Variants in OSBPL10 observed in about 807,000 individuals in gnomAD.
OSBPL10 encodes the protein oxysterol-binding protein-related protein 10.
A neutral mutation model predicts 81.7 loss-of-function variants in OSBPL10; 49 were observed. That is an observed-to-expected ratio of 0.60 (90% CI 0.48 to 0.76). The LOEUF is 0.76. Among genes scored for constraint, OSBPL10 ranks in the 30% least tolerant of loss-of-function variants. The probability of loss-of-function intolerance (pLI) is 0.00; values close to 1 mark genes in which losing one functional copy is unlikely to be tolerated. For missense variants in OSBPL10, 923 were observed against 987.8 expected (o/e 0.93, Z 0.88); for synonymous variants, 419 against 383.6 (o/e 1.09, Z -1.08).
chr3:31,902,286 G>A (rs1321022885), intron 1 of OSBPL10, among the ~76,000 whole-genome samples: 20 of 138,414 alleles, frequency 1.4e-4, no homozygotes, highest in Non-Finnish European at 2.6e-4. Flanking sequence ...TTTTGGAGAC[G>A]GAGTCCCACT....
upstream of OSBPL10, among the ~76,000 whole-genome samples, chr3:31,982,093 A>C (rs1698861954): frequency 6.6e-6 from 1 of 152,132 alleles, no homozygotes; most frequent in African/African-American, 2.4e-5. Flanking sequence ...GGCAAGTCAA[A>C]ACCTATCCAT....
At chr3:31,770,672 G>A (rs1301546594) in intron 4 of OSBPL10, among the ~76,000 whole-genome samples, 1 of 152,156 alleles carries the variant, frequency 6.6e-6, no homozygotes, top group East Asian at 1.9e-4. Context: ...TGTAATCCCA[G>A]CTACTTGGGA....
At chr3:31,879,429 C>T (rs1359705846) in intron 2 of OSBPL10, 2 of 508,952 alleles carry the variant, frequency 3.9e-6, no homozygotes, top group African/African-American at 3.9e-5. Flanking sequence ...GAATCACTCA[C>T]CTTTCCTTTG....
At chr3:31,674,262 A>G (rs1308659515) in intron 8 of OSBPL10, among the ~76,000 whole-genome samples, 1 of 152,122 alleles carries the variant, frequency 6.6e-6, no homozygotes, top group Non-Finnish European at 1.5e-5. Context: ...CTAGTTGTCA[A>G]AAAGAGGCTA....
intron 8 of OSBPL10, among the ~76,000 whole-genome samples, chr3:31,677,400 T>G (rs1575469170): frequency 6.6e-6 from 1 of 152,212 alleles, no homozygotes; most frequent in South Asian, 2.1e-4. Flanking sequence ...AAGGGTCCCC[T>G]GGCCATGCCC....
At chr3:31,896,692 C>G (rs1696068978) in intron 1 of OSBPL10, among the ~76,000 whole-genome samples, 1 of 152,218 alleles carries the variant, frequency 6.6e-6, no homozygotes, top group African/African-American at 2.4e-5. Flanking sequence ...GCTGGAAGGG[C>G]TGCTGTGAAA....
chr3:31,827,078 CTTTTTCT>C (rs1700119074), intron 4 of OSBPL10, among the ~76,000 whole-genome samples: 1 of 152,098 alleles, frequency 6.6e-6, no homozygotes, highest in Admixed American at 6.6e-5. Flanking sequence ...ATTTCATCTA[CTTTTTCT>C]TTTTTCTTTT....
chr3:31,746,018 AG>A (rs1197834577), intron 5 of OSBPL10, among the ~76,000 whole-genome samples: 10 of 152,152 alleles, frequency 6.6e-5, no homozygotes, highest in African/African-American at 2.4e-4. Flanking sequence ...AAGCACAATA[AG>A]GCTGCTGTTA....
intron 1 of OSBPL10, among the ~76,000 whole-genome samples, chr3:32,076,345 G>T (rs1033487037): frequency 2.6e-5 from 4 of 151,212 alleles, no homozygotes; most frequent in Non-Finnish European, 5.9e-5. Flanking sequence ...TCCAACCTGG[G>T]CAACAGAGTG....
At chr3:32,064,213 C>T (rs1369913034) in intron 1 of OSBPL10, 1 of 93,974 alleles carries the variant, frequency 1.1e-5, no homozygotes, top group African/African-American at 2.7e-5. Flanking sequence ...ATCCATCCAC[C>T]TTGGCTTCCC....
chr3:31,872,457 T>G (rs982207079), intron 3 of OSBPL10, among the ~76,000 whole-genome samples: 1 of 151,770 alleles, frequency 6.6e-6, no homozygotes, highest in Non-Finnish European at 1.5e-5. Flanking sequence ...TTGTTGTTTT[T>G]TTTTTTTTTT....
At chr3:31,831,491 G>A (rs1700240525) in intron 3 of OSBPL10, among the ~76,000 whole-genome samples, 1 of 151,338 alleles carries the variant, frequency 6.6e-6, no homozygotes, top group Non-Finnish European at 1.5e-5. Flanking sequence ...GAAACAAACA[G>A]ACCAACAAAA....
At chr3:31,691,863 C>G (rs1325823586) in intron 7 of OSBPL10, among the ~76,000 whole-genome samples, 4 of 152,048 alleles carry the variant, frequency 2.6e-5, no homozygotes, top group African/African-American at 9.7e-5. Context: ...CATTTATGTC[C>G]TATTTTGAGA....
In OSBPL10 at chr3:31,934,240, G is replaced by A. The variant is rs147307793; in HGVS notation, c.281+46659C>T. 2.2e-3 allele frequency among the ~76,000 whole-genome samples: 328 copies of A among 152,026 alleles called. 1 individual carries two copies. The highest frequency in any genetic ancestry group is 0.014 in the Middle Eastern group (4 of 294). On this transcript the variant is annotated intron_variant, in intron 1 of 11. Coordinates refer to ENST00000396556, the MANE Select transcript of OSBPL10 (RefSeq NM_017784.5). Reference sequence around the variant, plus strand: ...GTAACAGCTACTCAGGAGGCTGAGCGGGGGAGGATGGCTTGAGCCTAGGAA... The same window carrying A: ...GTAACAGCTACTCAGGAGGCTGAGCAGGGGAGGATGGCTTGAGCCTAGGAA...
At chr3:31,808,204 A>G (rs969535192) in intron 4 of OSBPL10, among the ~76,000 whole-genome samples, 4 of 152,170 alleles carry the variant, frequency 2.6e-5, no homozygotes. Flanking sequence ...TACTCCTGTC[A>G]TCCCAGCAGG....
chr3:31,693,570 T>C lies in OSBPL10; in HGVS notation c.1245+8789A>G, dbSNP rs566436191. Among the ~76,000 whole-genome samples the C allele has an allele frequency of 6.6e-5, 10 of 152,344 alleles. No individual in the cohort carries two copies. In the South Asian group the frequency reaches 1.7e-3, roughly 25 times the overall value. ...ATGTCTGCTGTAGTGTGATTCTATA[T>C]ACCAGGGGTCAACAAACACAACCCA... On this transcript the variant is annotated intron_variant, in intron 7 of 11. Transcript: ENST00000396556.
chr3:31,736,177 A>C (rs1421520806), intron 5 of OSBPL10, among the ~76,000 whole-genome samples: 1 of 152,176 alleles, frequency 6.6e-6, no homozygotes, highest in African/African-American at 2.4e-5. Flanking sequence ...TGCAAGATGG[A>C]AAGAGTTTTG....
At chr3:31,900,472 C>A (rs1183328557) in intron 1 of OSBPL10, among the ~76,000 whole-genome samples, 1 of 152,130 alleles carries the variant, frequency 6.6e-6, no homozygotes, top group East Asian at 1.9e-4. Flanking sequence ...TCCTATTAAA[C>A]CCCTGGCCTC....
chr3:31,851,004 GAC>G (rs1345100374), intron 3 of OSBPL10, among the ~76,000 whole-genome samples: 2 of 152,152 alleles, frequency 1.3e-5, no homozygotes, highest in Non-Finnish European at 2.9e-5. Context: ...TGAACAACAT[GAC>G]ACTGGCTTCA....
Sources: allele counts gnomAD v4.1 joint callset (sites outside exome capture counted in the v4.1 genomes callset), GRCh38; gene constraint gnomAD v4.1.1; transcripts MANE v1.5; gene names NCBI Gene and HGNC (gene_info 2026-07-23, HGNC 2026-07-21).